MSRA: variants seen among roughly 807,000 people sequenced by gnomAD.
MSRA encodes the protein mitochondrial peptide methionine sulfoxide reductase.
A neutral mutation model predicts 31.3 loss-of-function variants in MSRA; 54 were observed. The observed-to-expected ratio is 1.73, with a 90% CI of 1.39 to 2.17. MSRA has a LOEUF of 2.17. MSRA is among the 30% of genes most tolerant of loss of function. The pLI, the probability that MSRA is intolerant of heterozygous loss-of-function variation, is 0.00. For missense variants in MSRA, 507 were observed against 300.9 expected, an observed-to-expected ratio of 1.69 and a Z score of -5.07; for synonymous variants, 169 against 116.5, an observed-to-expected ratio of 1.45 and a Z score of -2.90.
intron 3 of MSRA, among the ~76,000 whole-genome samples, chr8:10,256,094 A>G (rs11781781): frequency 0.59 from 89,565 of 151,902 alleles, 28,157 homozygotes; most frequent in Non-Finnish European, 0.71. Context: ...GAGTAATTTC[A>G]CTGCCCTAAA....
chr8:10,089,138 CCA>C (rs10566550), intron 1 of MSRA, among the ~76,000 whole-genome samples: 86,205 of 149,904 alleles, frequency 0.58, 25,543 homozygotes, highest in Non-Finnish European at 0.66. Context: ...TGCTTTTGTC[CCA>C]CACACACACA....
At chr8:10,122,417 G>GT (rs1801190640) in intron 1 of MSRA, among the ~76,000 whole-genome samples, 1 of 152,092 alleles carries the variant, frequency 6.6e-6, no homozygotes. Context: ...TTTCTGGATT[G>GT]TTTTTTAAAA....
intron 1 of MSRA, among the ~76,000 whole-genome samples, chr8:10,062,748 C>A (rs568266736): frequency 6.6e-6 from 1 of 152,126 alleles, no homozygotes; most frequent in South Asian, 2.1e-4. Context: ...TTTCCTATCG[C>A]ATCAGAAAAC....
intron 1 of MSRA, among the ~76,000 whole-genome samples, chr8:10,105,197 T>C (rs1369794500): frequency 6.6e-6 from 1 of 152,216 alleles, no homozygotes; most frequent in Non-Finnish European, 1.5e-5. Context: ...TCTCAATCTT[T>C]TTTTTTCTCA....
At chr8:10,246,751 G>C (rs1283456874) in intron 3 of MSRA, among the ~76,000 whole-genome samples, 1 of 152,198 alleles carries the variant, frequency 6.6e-6, no homozygotes, top group Non-Finnish European at 1.5e-5. Flanking sequence ...TCTTGCTCTA[G>C]AGAAGGATTG....
At chr8:10,066,007 A>G (rs1319983130) in intron 1 of MSRA, among the ~76,000 whole-genome samples, 2 of 148,946 alleles carry the variant, frequency 1.3e-5, no homozygotes, top group East Asian at 1.9e-4. Flanking sequence ...AATTATTAAT[A>G]TAACTTAATA....
rs141301571 is a variant in MSRA at position 10,122,986 on chromosome 8, C to T, written c.142+68328C>T. ...TTTGCTATTGTGAATAGTGCTGCAG[C>T]GAACATATATGTGCATGTGTCTATA... On this transcript the variant is annotated intron_variant, in intron 1 of 5. Transcript: ENST00000317173. Among the ~76,000 whole-genome samples, 240 of 152,176 alleles carry T rather than the reference C, an allele frequency of 1.6e-3. 5 individuals are homozygous for T. The East Asian group carries it at 0.038, about 24-fold the overall frequency.
intron 5 of MSRA, among the ~76,000 whole-genome samples, chr8:10,415,209 G>C (rs151042219): frequency 6.6e-6 from 1 of 152,304 alleles, no homozygotes; most frequent in Non-Finnish European, 1.5e-5. Flanking sequence ...CAGCCTGGTG[G>C]GTCCCCACCA....
At chr8:10,252,209 A>G (rs1797953353) in intron 3 of MSRA, among the ~76,000 whole-genome samples, 1 of 152,200 alleles carries the variant, frequency 6.6e-6, no homozygotes, top group African/African-American at 2.4e-5. Flanking sequence ...TTTTATTAGA[A>G]GGGTTGAAAA....
chr8:10,141,204 G>C (rs1275320049), intron 1 of MSRA, among the ~76,000 whole-genome samples: 1 of 152,232 alleles, frequency 6.6e-6, no homozygotes, highest in African/African-American at 2.4e-5. Context: ...GTTATACTGA[G>C]TGCTTACCCT....
chr8:10,142,266 C>T (rs372628331), intron 1 of MSRA, among the ~76,000 whole-genome samples: 6 of 152,078 alleles, frequency 3.9e-5, no homozygotes, highest in East Asian at 3.9e-4. Context: ...CCCTTATGTA[C>T]AGTGTTTCCC....
At chr8:10,310,186 A>G (rs1401485466) in intron 4 of MSRA, among the ~76,000 whole-genome samples, 1 of 152,224 alleles carries the variant, frequency 6.6e-6, no homozygotes, top group Non-Finnish European at 1.5e-5. Context: ...AGTGGGAATG[A>G]TATTGTATTG....
chr8:10,151,689 A>C (rs1185308230), intron 1 of MSRA, among the ~76,000 whole-genome samples: 3 of 152,128 alleles, frequency 2.0e-5, no homozygotes, highest in Non-Finnish European at 4.4e-5. Context: ...TAGCAGGAGA[A>C]AGGGCGTTGA....
intron 4 of MSRA, among the ~76,000 whole-genome samples, chr8:10,304,152 G>T (rs1449464643): frequency 6.6e-6 from 1 of 152,166 alleles, no homozygotes; most frequent in Non-Finnish European, 1.5e-5. Context: ...GGCCAGGCTG[G>T]TCTTGAACTT....
At position 10,345,754 on chromosome 8, in the gene MSRA, T is replaced by C. The variant is rs528456967; in HGVS notation, c.543+25765T>C. Among the ~76,000 whole-genome samples the C allele has an allele frequency of 3.3e-5, 5 of 152,330 alleles. No homozygotes were observed. The South Asian group carries it at 8.3e-4, about 25-fold the overall frequency. On this transcript the variant is annotated intron_variant, in intron 5 of 5. Coordinates refer to ENST00000317173, the MANE Select transcript of MSRA (RefSeq NM_012331.5). ...CTTTTCTGGTGTTTTAAGCTCACTC[T>C]AAAAAGGCCTGGCAAATCAAGATGT...
chr8:10,245,066 T>G lies in MSRA; in HGVS notation c.212-38T>G, dbSNP rs765853225. On this transcript the variant is annotated intron_variant, in intron 2 of 5. Coordinates refer to ENST00000317173, the MANE Select transcript of MSRA (RefSeq NM_012331.5). ...TGTGCAATGACCACTTTGTTTTGAA[T>G]AATCAGTATCCTTTTTTTTTCTTTT... 2.5e-6 allele frequency: 4 copies of G among 1,603,108 alleles called. 1 individual carries two copies. The South Asian group carries it at 4.5e-5, about 18-fold the overall frequency.
Position 10,140,658 on chromosome 8 carries a change from A to G in MSRA, c.143-67175A>G, listed in dbSNP as rs571006860. Among the ~76,000 whole-genome samples the G allele has an allele frequency of 9.8e-5, 15 of 152,304 alleles. No individual in the cohort carries two copies. The East Asian group carries it at 2.9e-3, about 29-fold the overall frequency. On this transcript the variant is annotated intron_variant, in intron 1 of 5. Transcript: ENST00000317173. ...TTTATAATTTGGATTTTTCTGCAGCAGGGATGGAGAGAGCACATTTTCTAT... is the reference window on the plus strand; with the variant it reads ...TTTATAATTTGGATTTTTCTGCAGCGGGGATGGAGAGAGCACATTTTCTAT...
chr8:10,220,876 G>C (rs966507670), intron 2 of MSRA, among the ~76,000 whole-genome samples: 2 of 152,204 alleles, frequency 1.3e-5, no homozygotes, highest in Non-Finnish European at 2.9e-5. Flanking sequence ...AGGAGGACTG[G>C]GGAGGGTCGT....
chr8:10,082,716 T>A (rs2128923712), intron 1 of MSRA, among the ~76,000 whole-genome samples: 1 of 152,290 alleles, frequency 6.6e-6, no homozygotes, highest in East Asian at 1.9e-4. Flanking sequence ...TCCCTCTCTG[T>A]GATCTCCATT....
Sources: gnomAD v4.1 joint callset for allele counts (sites outside exome capture counted in the v4.1 genomes callset) on GRCh38, gnomAD v4.1.1 for gene constraint, MANE v1.5 for transcripts, NCBI Gene and HGNC (gene_info 2026-07-23, HGNC 2026-07-21) for gene names.